CPED1: variants seen among roughly 807,000 people sequenced by gnomAD.
The protein encoded by CPED1 is cadherin like and PC-esterase domain containing 1.
In CPED1, 114 loss-of-function variants were observed where a neutral mutation model predicts 128.2. The ratio of observed to expected loss-of-function variants is 0.89; its 90% CI spans 0.76 to 1.04. CPED1 has a LOEUF of 1.04. CPED1 is among the 50% of genes least tolerant of loss of function. The probability of loss-of-function intolerance (pLI) is 0.00; values close to 1 mark genes in which losing one functional copy is unlikely to be tolerated. For missense variants in CPED1, 1,211 were observed against 1,207.1 expected, an observed-to-expected ratio of 1.00 and a Z score of -0.05; for synonymous variants, 462 against 426.7, an observed-to-expected ratio of 1.08 and a Z score of -1.02.
At chr7:121,044,891 C>A (rs902207046) in intron 3 of CPED1, among the ~76,000 whole-genome samples, 4 of 152,032 alleles carry the variant, frequency 2.6e-5, no homozygotes, top group African/African-American at 9.7e-5. Context: ...CAAAACACTG[C>A]AGGTCATGAT....
intron 17 of CPED1, among the ~76,000 whole-genome samples, chr7:121,240,320 A>T (rs1239690194): frequency 1.3e-5 from 2 of 152,198 alleles, no homozygotes; most frequent in African/African-American, 4.8e-5. Context: ...GTTGAGGGGT[A>T]CAGTGTCTGG....
intron 14 of CPED1, among the ~76,000 whole-genome samples, chr7:121,137,183 T>C (rs537061363): frequency 6.6e-6 from 1 of 151,898 alleles, no homozygotes; most frequent in African/African-American, 2.4e-5. Flanking sequence ...TATTTATTTA[T>C]TTATTATAGA....
intron 21 of CPED1, among the ~76,000 whole-genome samples, chr7:121,269,767 T>C (rs959011222): frequency 2.6e-5 from 4 of 152,116 alleles, no homozygotes; most frequent in Non-Finnish European, 5.9e-5. Flanking sequence ...CATTTTTTCA[T>C]GTCTGTTGGG....
At chr7:121,136,199 T>C in intron 14 of CPED1, 109 bp downstream of exon 14, 1 of 1,055,576 alleles carries the variant, frequency 9.5e-7, no homozygotes, top group Non-Finnish European at 1.4e-6. Context: ...ACGCTGATAA[T>C]TGTTAAAGTA....
intron 3 of CPED1, among the ~76,000 whole-genome samples, chr7:121,039,398 T>G (rs1369079134): frequency 6.6e-6 from 1 of 151,878 alleles, no homozygotes; most frequent in Non-Finnish European, 1.5e-5. Context: ...AGTCTAAGCT[T>G]ATCTTGTGTA....
chr7:121,011,143 A>G (rs1288094958), intron 2 of CPED1, among the ~76,000 whole-genome samples: 1 of 152,160 alleles, frequency 6.6e-6, no homozygotes, highest in African/African-American at 2.4e-5. Context: ...TTGTATTTGA[A>G]CATCAAAAGA....
At chr7:121,116,611 A>G (rs1795238931) in intron 7 of CPED1, among the ~76,000 whole-genome samples, 1 of 152,222 alleles carries the variant, frequency 6.6e-6, no homozygotes, top group Non-Finnish European at 1.5e-5. Context: ...AAGTAAAAAT[A>G]CAGATGATTC....
At chr7:121,287,981 T>C (rs980368322) in intron 22 of CPED1, among the ~76,000 whole-genome samples, 3 of 152,214 alleles carry the variant, frequency 2.0e-5, no homozygotes, top group Non-Finnish European at 4.4e-5. Flanking sequence ...TCTAATTATT[T>C]TTCAGTATAT....
chr7:121,076,643 A>T (rs1794131074), intron 5 of CPED1: 1 of 152,204 alleles, frequency 6.6e-6, no homozygotes, highest in Non-Finnish European at 1.5e-5. Context: ...GAATAGGAAG[A>T]CAATGGTGAG....
At chr7:121,108,505 A>C (rs1795033050) in intron 7 of CPED1, among the ~76,000 whole-genome samples, 1 of 152,150 alleles carries the variant, frequency 6.6e-6, no homozygotes, top group African/African-American at 2.4e-5. Context: ...ATAAAATATA[A>C]TAATCTTAAT....
At chr7:121,065,356 T>C (rs890354203) in intron 5 of CPED1, among the ~76,000 whole-genome samples, 1 of 152,224 alleles carries the variant, frequency 6.6e-6, no homozygotes. Flanking sequence ...TTTTTGTTTT[T>C]GTAAACTCTA....
chr7:121,253,590 A>G (rs1389724599), intron 18 of CPED1, among the ~76,000 whole-genome samples: 1 of 152,082 alleles, frequency 6.6e-6, no homozygotes, highest in Non-Finnish European at 1.5e-5. Context: ...TACTAACCCT[A>G]AATGTAAATG....
intron 22 of CPED1, among the ~76,000 whole-genome samples, chr7:121,294,806 C>CAAAAAAAAAAA (rs752742828): frequency 3.3e-5 from 2 of 61,414 alleles, no homozygotes; most frequent in African/African-American, 1.2e-4. Context: ...GCCTTCTAAG[C>CAAAAAAAAAAA]AAAAAAAAAA....
intron 3 of CPED1, among the ~76,000 whole-genome samples, chr7:121,038,201 CT>C (rs1356510616): frequency 6.6e-6 from 1 of 151,758 alleles, no homozygotes; most frequent in Non-Finnish European, 1.5e-5. Context: ...AAGTAGGCAT[CT>C]TTTTCCTGTT....
At chr7:121,061,381 TACAC>T (rs958377449) in intron 4 of CPED1, among the ~76,000 whole-genome samples, 1 of 152,222 alleles carries the variant, frequency 6.6e-6, no homozygotes, top group African/African-American at 2.4e-5. Flanking sequence ...TATACACACA[TACAC>T]ATAGATGCAT....
chr7:121,228,504 G>T (rs977914366), intron 16 of CPED1, among the ~76,000 whole-genome samples: 2 of 150,272 alleles, frequency 1.3e-5, no homozygotes, highest in Non-Finnish European at 3.0e-5. Context: ...TGGCAAGGAT[G>T]TGAAGAAAAG....
chr7:121,288,122 A>G (rs1000156382), intron 22 of CPED1, among the ~76,000 whole-genome samples: 2 of 152,228 alleles, frequency 1.3e-5, no homozygotes, highest in Admixed American at 6.5e-5. Context: ...GTGAAACAGC[A>G]TATAATACTA....
At chr7:121,012,185 A>G (rs960908417) in intron 2 of CPED1, among the ~76,000 whole-genome samples, 3 of 152,186 alleles carry the variant, frequency 2.0e-5, no homozygotes, top group African/African-American at 7.2e-5. Flanking sequence ...CCAGTACTTT[A>G]TGACAACATT....
chr7:121,033,195 T>C (rs145109117), intron 3 of CPED1, among the ~76,000 whole-genome samples: 2 of 152,278 alleles, frequency 1.3e-5, no homozygotes, highest in East Asian at 3.9e-4. Context: ...CTGCTGAGTG[T>C]CTGTCAAGTT....
Sources: gnomAD v4.1 joint callset for allele counts (sites outside exome capture counted in the v4.1 genomes callset) on GRCh38, gnomAD v4.1.1 for gene constraint, MANE v1.5 for transcripts, NCBI Gene and HGNC (gene_info 2026-07-23, HGNC 2026-07-21) for gene names.